LHFPL3: variants seen among roughly 807,000 people sequenced by gnomAD.
The protein encoded by LHFPL3 is LHFPL tetraspan subfamily member 3, also known as LHFPL tetraspan subfamily member 3 protein.
A neutral mutation model predicts 19.3 loss-of-function variants in LHFPL3; 5 were observed. The observed-to-expected ratio is 0.26, with a 90% CI of 0.14 to 0.54. The LOEUF (loss-of-function observed/expected upper bound fraction) is 0.54. Ranked by LOEUF, LHFPL3 falls within the 20% of genes least tolerant of loss-of-function variation. The probability of loss-of-function intolerance (pLI) is 0.94; values close to 1 mark genes in which losing one functional copy is unlikely to be tolerated. For missense variants in LHFPL3, 249 were observed against 307.4 expected (o/e 0.81, Z 1.42); for synonymous variants, 133 against 126.2 (o/e 1.05, Z -0.36).
chr7:104,412,480 G>A (rs944113486), intron 1 of LHFPL3, among the ~76,000 whole-genome samples: 4 of 151,910 alleles, frequency 2.6e-5, no homozygotes, highest in African/African-American at 9.7e-5. Context: ...ACAACACAAA[G>A]CACCAGATAG....
intron 2 of LHFPL3, among the ~76,000 whole-genome samples, chr7:104,859,577 G>A (rs1360240385): frequency 1.3e-5 from 2 of 152,050 alleles, no homozygotes; most frequent in Non-Finnish European, 2.9e-5. Flanking sequence ...GCTGAGGTAG[G>A]AGAATCACTT....
intron 2 of LHFPL3, among the ~76,000 whole-genome samples, chr7:104,857,565 T>C (rs1355608174): frequency 1.3e-5 from 2 of 152,214 alleles, no homozygotes; most frequent in Non-Finnish European, 2.9e-5. Flanking sequence ...GCTATTGGCA[T>C]GCCTTTCTAA....
chr7:104,560,992 T>G (rs1275237621), intron 1 of LHFPL3, among the ~76,000 whole-genome samples: 1 of 151,112 alleles, frequency 6.6e-6, no homozygotes, highest in African/African-American at 2.5e-5. Flanking sequence ...TTGAGCAGTT[T>G]TGAGTGAGAT....
chr7:104,900,564 G>T (rs1178572758), intron 2 of LHFPL3, among the ~76,000 whole-genome samples: 1 of 152,174 alleles, frequency 6.6e-6, no homozygotes, highest in African/African-American at 2.4e-5. Context: ...GTTGAAATCG[G>T]TATGTCAGAT....
At chr7:104,765,451 T>C (rs866078197) in intron 2 of LHFPL3, among the ~76,000 whole-genome samples, 1 of 152,232 alleles carries the variant, frequency 6.6e-6, no homozygotes, top group Admixed American at 6.5e-5. Context: ...TAACATTCAT[T>C]GGAAATTATT....
chr7:104,732,197 T>C (rs550062782), intron 1 of LHFPL3, among the ~76,000 whole-genome samples: 167 of 152,218 alleles, frequency 1.1e-3, no homozygotes, highest in Non-Finnish European at 1.8e-3. Context: ...TTTTTGGTTG[T>C]GTCCCTGCCA....
At chr7:104,342,114 C>T (rs1167110119) in intron 1 of LHFPL3, among the ~76,000 whole-genome samples, 1 of 152,138 alleles carries the variant, frequency 6.6e-6, no homozygotes. Context: ...TCATCCCCAT[C>T]AGGTCATTTT....
intron 1 of LHFPL3, among the ~76,000 whole-genome samples, chr7:104,655,092 C>A (rs559744187): frequency 6.6e-6 from 1 of 152,334 alleles, no homozygotes; most frequent in South Asian, 2.1e-4. Flanking sequence ...TCCACTCCCT[C>A]CCTCTATCTG....
intron 1 of LHFPL3, among the ~76,000 whole-genome samples, chr7:104,603,158 CCTTCCTTT>C (rs1366951718): frequency 0.022 from 1,694 of 76,304 alleles, 34 homozygotes; most frequent in Admixed American, 0.036. Flanking sequence ...TTCCTTCCTT[CCTTCCTTT>C]CTTTCTTTCT....
intron 2 of LHFPL3, among the ~76,000 whole-genome samples, chr7:104,827,130 C>T (rs1790839334): frequency 6.6e-6 from 1 of 151,986 alleles, no homozygotes; most frequent in African/African-American, 2.4e-5. Context: ...AAAACCCAGG[C>T]TTCTTGATTC....
chr7:104,590,597 G>T (rs1790691676), intron 1 of LHFPL3, among the ~76,000 whole-genome samples: 1 of 152,180 alleles, frequency 6.6e-6, no homozygotes, highest in African/African-American at 2.4e-5. Context: ...CTGTTGATCT[G>T]GGGTGGAGAG....
At chr7:104,459,854 A>AT in intron 1 of LHFPL3, among the ~76,000 whole-genome samples, 1 of 152,188 alleles carries the variant, frequency 6.6e-6, no homozygotes, top group South Asian at 2.1e-4. Flanking sequence ...GCTTGAACAG[A>AT]TTTTTCTAAC....
At chr7:104,739,991 C>T (rs1382643882) in intron 2 of LHFPL3, among the ~76,000 whole-genome samples, 1 of 152,090 alleles carries the variant, frequency 6.6e-6, no homozygotes, top group Admixed American at 6.5e-5. Flanking sequence ...GGGAAAGGGA[C>T]CTCATGGGAA....
intron 1 of LHFPL3, among the ~76,000 whole-genome samples, chr7:104,730,194 A>T (rs1025366911): frequency 2.6e-5 from 4 of 152,174 alleles, no homozygotes; most frequent in Non-Finnish European, 4.4e-5. Flanking sequence ...GAGTAGTGCC[A>T]CAGTAAACAT....
At chr7:104,358,707 A>G (rs1790333888) in intron 1 of LHFPL3, among the ~76,000 whole-genome samples, 2 of 152,248 alleles carry the variant, frequency 1.3e-5, no homozygotes, top group South Asian at 4.1e-4. Flanking sequence ...TGGGAAGATG[A>G]TCATAAATCT....
intron 1 of LHFPL3, among the ~76,000 whole-genome samples, chr7:104,495,222 T>G (rs1191660862): frequency 6.6e-6 from 1 of 152,120 alleles, no homozygotes; most frequent in Non-Finnish European, 1.5e-5. Flanking sequence ...CTTTTTTCTT[T>G]TTAGAGACAG....
chr7:104,512,490 A>T (rs1793838230), intron 1 of LHFPL3, among the ~76,000 whole-genome samples: 1 of 151,830 alleles, frequency 6.6e-6, no homozygotes, highest in Non-Finnish European at 1.5e-5. Context: ...TAATCCCAAC[A>T]CTTTGGGAGG....
chr7:104,417,943 T>C (rs1231832207), intron 1 of LHFPL3, among the ~76,000 whole-genome samples: 1 of 149,136 alleles, frequency 6.7e-6, no homozygotes, highest in Non-Finnish European at 1.5e-5. Flanking sequence ...AGTGTAATGG[T>C]GCAATCTTGG....
intron 2 of LHFPL3, among the ~76,000 whole-genome samples, chr7:104,893,823 A>G (rs1792299935): frequency 6.6e-6 from 1 of 151,612 alleles, no homozygotes; most frequent in African/African-American, 2.4e-5. Flanking sequence ...ATGGTGGCAT[A>G]CCCCTGTAAT....
Sources: allele counts gnomAD v4.1 joint callset (sites outside exome capture counted in the v4.1 genomes callset), GRCh38; gene constraint gnomAD v4.1.1; transcripts MANE v1.5; gene names NCBI Gene and HGNC (gene_info 2026-07-23, HGNC 2026-07-21).